ATCAY: variants seen among roughly 807,000 people sequenced by gnomAD.
ATCAY encodes the protein ATCAY kinesin light chain interacting caytaxin.
ATCAY carries 22 observed loss-of-function variants against 47.7 expected under a neutral mutation model. That is an observed-to-expected ratio of 0.46 (90% confidence interval 0.33 to 0.66). The LOEUF (loss-of-function observed/expected upper bound fraction) is 0.66. Ranked by LOEUF, ATCAY falls within the 30% of genes least tolerant of loss-of-function variation. The pLI, the probability that ATCAY is intolerant of heterozygous loss-of-function variation, is 0.02. For missense variants in ATCAY, 452 were observed against 515.0 expected (o/e 0.88, Z 1.18); for synonymous variants, 216 against 207.6 (o/e 1.04, Z -0.35).
intron 2 of ATCAY, 77 bp from the exon 3 acceptor site, chr19:3,902,410 G>T: frequency 7.1e-7 from 1 of 1,404,368 alleles, no homozygotes; most frequent in South Asian, 1.2e-5. Context: ...GGCTGGACCT[G>T]TCTGGGCCAC....
At chr19:3,891,583 G>C (rs764986371) in intron 2 of ATCAY, among the ~76,000 whole-genome samples, 1 of 151,868 alleles carries the variant, frequency 6.6e-6, no homozygotes, top group Non-Finnish European at 1.5e-5. Context: ...TGGCTGTGAA[G>C]GGTGAGGAGG....
At chr19:3,923,587 G>A (rs2039038788) in intron 12 of ATCAY, among the ~76,000 whole-genome samples, 1 of 148,294 alleles carries the variant, frequency 6.7e-6, no homozygotes, top group African/African-American at 2.5e-5. Context: ...GATGGGTGAA[G>A]GTTGACTGTG....
intron 1 of ATCAY, among the ~76,000 whole-genome samples, chr19:3,882,953 T>C (rs978231803): frequency 1.3e-5 from 2 of 151,104 alleles, no homozygotes; most frequent in African/African-American, 4.9e-5. Flanking sequence ...GGTTAGTTTT[T>C]GTATTTTTTT....
Position 3,926,276 on chromosome 19 carries a change from A to C in ATCAY, c.*1684A>C, listed in dbSNP as rs528060105. ...ATCCAAGATCATGCCACTGCACTCC[A>C]GCCTGGGCAACAAGAGCAAAACTCC... On this transcript the variant is annotated 3_prime_UTR_variant, in exon 13 of 13. Coordinates refer to ENST00000450849, the MANE Select transcript of ATCAY (RefSeq NM_033064.5). The C allele has an allele frequency of 6.6e-6, 1 of 152,612 alleles. No individual in the cohort carries two copies. Among genetic ancestry groups the C allele is most frequent in the East Asian group, 1.9e-4 (1 of 5,200 alleles). The allele number at this position is 152,612 out of a possible 1,614,324, so 9.5% of individuals were successfully genotyped here. A position where few individuals can be genotyped will look rare whatever the true frequency, so the allele number is the denominator to read the frequency against.
At chr19:3,899,063 TTTTCA>T in intron 2 of ATCAY, among the ~76,000 whole-genome samples, 1 of 152,266 alleles carries the variant, frequency 6.6e-6, no homozygotes, top group Admixed American at 6.5e-5. Context: ...TGAACAGATG[TTTTCA>T]TTTCCTTTGG....
intron 8 of ATCAY, among the ~76,000 whole-genome samples, chr19:3,912,921 C>T (rs919291004): frequency 4.7e-5 from 7 of 148,944 alleles, no homozygotes; most frequent in Non-Finnish European, 1.0e-4. Context: ...GGTGATGAAA[C>T]ACCACATGGT....
chr19:3,922,069 T>C (rs890930957), intron 12 of ATCAY: 23 of 682,030 alleles, frequency 3.4e-5, no homozygotes, highest in African/African-American at 3.2e-4. Flanking sequence ...TGCTGCCAAC[T>C]AGAGAAGCTG....
intron 12 of ATCAY, among the ~76,000 whole-genome samples, chr19:3,923,443 GATGGATGGATGA>G (rs372097114): frequency 0.029 from 4,423 of 152,260 alleles, 222 homozygotes; most frequent in African/African-American, 0.1. Flanking sequence ...TAAATGGATG[GATGGATGGATGA>G]GTGGATGGAT....
At chr19:3,913,929 G>C in intron 9 of ATCAY, 73 bp downstream of exon 9, 2 of 1,391,998 alleles carry the variant, frequency 1.4e-6, no homozygotes, top group Non-Finnish European at 2.0e-6. Context: ...ACCTGAGACA[G>C]GGCAATTTAC....
chr19:3,893,491 T>G (rs2038737281), intron 2 of ATCAY: 1 of 152,302 alleles, frequency 6.6e-6, no homozygotes, highest in East Asian at 1.9e-4. Flanking sequence ...ATTTCCACTT[T>G]TTACCTGGAT....
chr19:3,893,445 T>C (rs1355299772), intron 2 of ATCAY: 1 of 152,394 alleles, frequency 6.6e-6, no homozygotes, highest in Non-Finnish European at 1.5e-5. Context: ...CGCAAAGTGC[T>C]GGGATTACAG....
rs1404081921 is a variant in ATCAY at position 3,885,210 on chromosome 19, G to A, written c.-41-517G>A. On this transcript the variant is annotated intron_variant, in intron 1 of 12. Transcript: ENST00000450849. ...GAGGCGGGTAGACCGCTTGAGCTCA[G>A]GAGTTTGAGACCAGCCTGGCCAACA... is the stretch of plus-strand genomic sequence containing the variant. Among the ~76,000 whole-genome samples the A allele has an allele frequency of 2.0e-5, 3 of 150,324 alleles. No individual in the cohort carries two copies. In the East Asian group the frequency reaches 5.9e-4, roughly 30 times the overall value.
intron 8 of ATCAY, among the ~76,000 whole-genome samples, chr19:3,912,704 A>G (rs2038933853): frequency 1.3e-5 from 2 of 151,362 alleles, no homozygotes; most frequent in African/African-American, 4.9e-5. Flanking sequence ...ACATAGCAAG[A>G]CCTCCATCTC....
Position 3,916,644 on chromosome 19 carries a change from C to T in ATCAY, c.966-1098C>T, listed in dbSNP as rs1032171989. On this transcript the variant is annotated intron_variant, in intron 9 of 12. Coordinates refer to ENST00000450849, the MANE Select transcript of ATCAY (RefSeq NM_033064.5). ...GAGTAGCTGGGACTACAGGCGCCCACCACCACACCCAGATAATTTTTTTGT... is the reference window on the plus strand; with the variant it reads ...GAGTAGCTGGGACTACAGGCGCCCATCACCACACCCAGATAATTTTTTTGT... 2.0e-5 allele frequency among the ~76,000 whole-genome samples: 3 copies of T among 152,102 alleles called. No individual in the cohort carries two copies. The East Asian group carries it at 5.8e-4, about 29-fold the overall frequency.
intron 2 of ATCAY, among the ~76,000 whole-genome samples, chr19:3,887,587 C>T (rs931929173): frequency 4.6e-5 from 7 of 151,056 alleles, no homozygotes; most frequent in South Asian, 2.1e-4. Flanking sequence ...CCCGGGTTCA[C>T]GCCATTCTCC....
intron 2 of ATCAY, among the ~76,000 whole-genome samples, chr19:3,889,258 A>G (rs1423798839): frequency 2.0e-5 from 3 of 152,168 alleles, no homozygotes; most frequent in Non-Finnish European, 2.9e-5. Flanking sequence ...TACTAAAAAT[A>G]CAAAATTAGC....
chr19:3,901,002 T>C (rs8102446), intron 2 of ATCAY, among the ~76,000 whole-genome samples: 146,044 of 150,054 alleles, frequency 0.97, 71,085 homozygotes, highest in East Asian at 1. Context: ...CCTGGGTTCA[T>C]GCCATTCTCC....
intron 2 of ATCAY, among the ~76,000 whole-genome samples, chr19:3,897,277 A>G (rs2038777981): frequency 6.6e-6 from 1 of 150,692 alleles, no homozygotes. Flanking sequence ...ATATATATAT[A>G]TATATAGCAA....
At position 3,887,325 on chromosome 19, in the gene ATCAY, G is replaced by A. The variant is rs186782713; in HGVS notation, c.77+1481G>A. Among the ~76,000 whole-genome samples the A allele has an allele frequency of 3.1e-3, 467 of 151,882 alleles. 4 individuals carry two copies. The highest frequency in any genetic ancestry group is 0.01 in the African/African-American group (433 of 41,478). On this transcript the variant is annotated intron_variant, in intron 2 of 12. Coordinates refer to ENST00000450849, the MANE Select transcript of ATCAY (RefSeq NM_033064.5). ...AAAAAAAAATTAGCTGGGCATGGTG[G>A]TGTGCACCTGCAGTCTTAGCTACTT...
Sources: allele counts gnomAD v4.1 joint callset (sites outside exome capture counted in the v4.1 genomes callset), GRCh38; gene constraint gnomAD v4.1.1; transcripts MANE v1.5; gene names NCBI Gene and HGNC (gene_info 2026-07-23, HGNC 2026-07-21).